Variants in SHISA9 observed in about 807,000 individuals in gnomAD.
The protein encoded by SHISA9 is protein shisa-9.
A neutral mutation model predicts 38.0 loss-of-function variants in SHISA9; 13 were observed. That is an observed-to-expected ratio of 0.34 (90% confidence interval 0.22 to 0.54). SHISA9 has a LOEUF of 0.54. Among genes scored for constraint, SHISA9 ranks in the 20% least tolerant of loss-of-function variants. The pLI is 0.91. For synonymous variants in SHISA9, 275 were observed against 242.0 expected (o/e 1.14, Z -1.27); for missense variants, 538 against 575.8 (o/e 0.93, Z 0.67).
At chr16:13,177,186 C>A (rs574668425) in intron 2 of SHISA9, among the ~76,000 whole-genome samples, 24 of 152,290 alleles carry the variant, frequency 1.6e-4, no homozygotes, top group Admixed American at 1.3e-3. Context: ...ACAGAACCCC[C>A]TCTCAGAGAA....
chr16:13,295,124 A>G, the SHISA9 span, among the ~76,000 whole-genome samples: 1 of 152,234 alleles, frequency 6.6e-6, no homozygotes, highest in Non-Finnish European at 1.5e-5. Flanking sequence ...CATGCTCTTA[A>G]TTGTGACACT....
intron 2 of SHISA9, among the ~76,000 whole-genome samples, chr16:12,971,792 G>A (rs1024722516): frequency 8.5e-5 from 13 of 152,134 alleles, no homozygotes; most frequent in African/African-American, 3.1e-4. Context: ...AATAAGGAAA[G>A]CTAATATAAT....
In SHISA9 at chr16:13,238,853, A is replaced by ATG. The variant is rs2051410705; in HGVS notation, c.*3444_*3445insTG. The ATG allele has an allele frequency of 2.0e-5, 2 of 99,542 alleles. No individual in the cohort carries two copies. The highest frequency in any genetic ancestry group is 4.4e-5 in the Non-Finnish European group (2 of 45,544). The allele number at this position is 99,542 out of a possible 1,614,324, so 6.2% of individuals were successfully genotyped here. A position where few individuals can be genotyped will look rare whatever the true frequency, so the allele number is the denominator to read the frequency against. ...TTATTATTATTATTATTATTATTAT[A>ATG]CTTTAAGTTTTAGGGTACATGTGCA... On this transcript the variant is annotated 3_prime_UTR_variant, in exon 5 of 5. Transcript: ENST00000558583.
At chr16:13,251,971 C>T in the SHISA9 span, among the ~76,000 whole-genome samples, 1 of 152,160 alleles carries the variant, frequency 6.6e-6, no homozygotes, top group African/African-American at 2.4e-5. Flanking sequence ...CAGCCTTGTG[C>T]CCTAGGGCCA....
intron 2 of SHISA9, among the ~76,000 whole-genome samples, chr16:12,992,681 C>T (rs1374967604): frequency 1.3e-5 from 2 of 152,200 alleles, no homozygotes; most frequent in Admixed American, 6.5e-5. Context: ...AGGCTGTTTT[C>T]CGCAATTTTA....
At chr16:12,907,172 C>A (rs1596521471) in intron 1 of SHISA9, among the ~76,000 whole-genome samples, 1 of 114,118 alleles carries the variant, frequency 8.8e-6, no homozygotes, top group Admixed American at 9.4e-5. Flanking sequence ...CCTCCATCCC[C>A]CTTCCACCCT....
chr16:13,020,662 A>G (rs931621493), intron 2 of SHISA9, among the ~76,000 whole-genome samples: 1 of 152,214 alleles, frequency 6.6e-6, no homozygotes, highest in Admixed American at 6.5e-5. Flanking sequence ...ATCCATAATA[A>G]TATGGCACTC....
intron 2 of SHISA9, among the ~76,000 whole-genome samples, chr16:12,967,881 G>A (rs761776012): frequency 2.6e-5 from 4 of 152,034 alleles, no homozygotes; most frequent in Admixed American, 2.0e-4. Flanking sequence ...AGAATTACCA[G>A]GAGATCTTTA....
chr16:13,249,572 A>G, the SHISA9 span, among the ~76,000 whole-genome samples: 21 of 152,252 alleles, frequency 1.4e-4, no homozygotes, highest in African/African-American at 4.6e-4. Flanking sequence ...TTGGCATCTA[A>G]TGGGGGAGGC....
the SHISA9 span, among the ~76,000 whole-genome samples, chr16:13,490,297 G>A: frequency 4.6e-5 from 7 of 152,104 alleles, no homozygotes; most frequent in Non-Finnish European, 5.9e-5. Flanking sequence ...GCACAGTGAC[G>A]CACACCTGTA....
chr16:13,167,094 C>G (rs555901862), intron 2 of SHISA9, among the ~76,000 whole-genome samples: 1 of 110,462 alleles, frequency 9.1e-6, no homozygotes, highest in Non-Finnish European at 1.7e-5. Flanking sequence ...TTTTTTGAGA[C>G]AGAGTTTCGC....
At chr16:12,971,412 AC>A (rs910081314) in intron 2 of SHISA9, among the ~76,000 whole-genome samples, 20 of 152,042 alleles carry the variant, frequency 1.3e-4, no homozygotes, top group Non-Finnish European at 2.1e-4. Flanking sequence ...GCAGGCAGAA[AC>A]CCTCTTGTCT....
chr16:12,970,359 A>G (rs1426853960), intron 2 of SHISA9, among the ~76,000 whole-genome samples: 4,620 of 79,916 alleles, frequency 0.058, 385 homozygotes, highest in Non-Finnish European at 0.093. Flanking sequence ...ATGTGTATAT[A>G]TATATATATA....
intron 2 of SHISA9, among the ~76,000 whole-genome samples, chr16:13,039,654 G>T (rs1165523456): frequency 6.6e-6 from 1 of 152,124 alleles, no homozygotes; most frequent in Non-Finnish European, 1.5e-5. Context: ...AAACAGTGTG[G>T]CATTAACTAG....
chr16:13,083,091 C>T (rs1310335615), intron 2 of SHISA9, among the ~76,000 whole-genome samples: 2 of 152,128 alleles, frequency 1.3e-5, no homozygotes, highest in African/African-American at 4.8e-5. Flanking sequence ...TCCCCTAGTG[C>T]TGGTGGATAG....
At chr16:12,985,861 A>C (rs981272915) in intron 2 of SHISA9, among the ~76,000 whole-genome samples, 1 of 152,206 alleles carries the variant, frequency 6.6e-6, no homozygotes, top group African/African-American at 2.4e-5. Flanking sequence ...AAAGAGCCAG[A>C]AATGCCTAAG....
At chr16:12,908,853 G>C (rs1038472521) in intron 1 of SHISA9, 7 of 1,161,110 alleles carry the variant, frequency 6.0e-6, no homozygotes, top group East Asian at 4.7e-5. Context: ...AGCCAGTAGG[G>C]AACACATGTC....
chr16:12,912,430 T>C (rs1251015436), intron 1 of SHISA9, among the ~76,000 whole-genome samples: 2 of 152,148 alleles, frequency 1.3e-5, no homozygotes, highest in Non-Finnish European at 2.9e-5. Flanking sequence ...GCCTGAATAG[T>C]TCGGAGTTTT....
chr16:13,278,135 G>C, the SHISA9 span, among the ~76,000 whole-genome samples: 6 of 152,058 alleles, frequency 3.9e-5, no homozygotes, highest in African/African-American at 1.4e-4. Flanking sequence ...AGTGATGCTG[G>C]ATTTTGTCGA....
Sources: gnomAD v4.1 joint callset for allele counts (sites outside exome capture counted in the v4.1 genomes callset) on GRCh38, gnomAD v4.1.1 for gene constraint, MANE v1.5 for transcripts, NCBI Gene and HGNC (gene_info 2026-07-23, HGNC 2026-07-21) for gene names.